PRRT1B: variants seen among roughly 807,000 people sequenced by gnomAD.
The protein encoded by PRRT1B is dispanin subfamily D member 2.
chr9:131,557,176 C>T (rs968975500), intron 3 of PRRT1B, among the ~76,000 whole-genome samples: 15 of 152,156 alleles, frequency 9.9e-5, no homozygotes, highest in Non-Finnish European at 2.1e-4. Flanking sequence ...CTCACCCATC[C>T]CTCTATCGAT....
At position 131,551,143 on chromosome 9, in the gene PRRT1B, C is replaced by A. The variant is rs1386402782; in HGVS notation, c.26-3414C>A. Among the ~76,000 whole-genome samples, 1 of 151,794 alleles carries A rather than the reference C, an allele frequency of 6.6e-6. No homozygotes were observed. Among genetic ancestry groups the A allele is most frequent in the South Asian group, 2.1e-4 (1 of 4,820 alleles). On this transcript the variant is annotated intron_variant, in intron 1 of 3. Coordinates refer to ENST00000636672, the Ensembl canonical transcript of PRRT1B. This position sits in a 1 kb window ranked among gnomAD's most constrained non-coding sequence, Gnocchi z 4.4. ...ATTTTTAGTAGAGACGGGGTTACAC[C>A]GTGTTAGCCAGGATGGTCTCAATCT...
chr9:131,554,714 C>G (rs1951035616), exon 2 of PRRT1B: 3 of 356,082 alleles, frequency 8.4e-6, no homozygotes, highest in Admixed American at 9.5e-5. Flanking sequence ...GGGCGCCCAG[C>G]GAGGACGGGG....
intron 3 of PRRT1B, among the ~76,000 whole-genome samples, chr9:131,557,685 A>C (rs1159789916): frequency 6.6e-6 from 1 of 152,222 alleles, no homozygotes; most frequent in Non-Finnish European, 1.5e-5. Flanking sequence ...GGGACTTGAG[A>C]GGTTGCTGCC....
At chr9:131,558,990 G>C (rs1054268202), downstream of PRRT1B, among the ~76,000 whole-genome samples, 1 of 152,184 alleles carries the variant, frequency 6.6e-6, no homozygotes, top group African/African-American at 2.4e-5. Flanking sequence ...GATCAGCTGG[G>C]TGCTCGTTTG....
At chr9:131,553,108 C>T (rs1447646428) in intron 1 of PRRT1B, among the ~76,000 whole-genome samples, 3 of 152,114 alleles carry the variant, frequency 2.0e-5, no homozygotes, top group Non-Finnish European at 4.4e-5. Flanking sequence ...GAAAGACATG[C>T]TTTTAAAAAA....
intron 3 of PRRT1B, 23 bp from the exon 4 acceptor site, chr9:131,558,030 C>T: frequency 2.5e-6 from 1 of 398,854 alleles, no homozygotes; most frequent in Non-Finnish European, 4.4e-6. Flanking sequence ...CCCACCGCCC[C>T]CTCCTGCCCT....
In PRRT1B at chr9:131,554,550, T is replaced by C; in HGVS notation, c.26-7T>C. 2.5e-6 allele frequency: 1 copy of C among 394,808 alleles called. No individual in the cohort carries two copies. The highest frequency in any genetic ancestry group is 3.6e-5 in the East Asian group (1 of 27,850). 24.5% of individuals were successfully genotyped at this position (394,808 alleles called of 1,614,324 possible). ...TCTTGCTCACGACCGCTGCCATTTC[T>C]TTCTAGGGTCCGACACGAAAGGGGG... On this transcript the variant is annotated splice_polypyrimidine_tract_variant and splice_region_variant and intron_variant, in intron 1 of 3. Coordinates refer to ENST00000636672, the Ensembl canonical transcript of PRRT1B.
At chr9:131,554,810 C>T in exon 2 of PRRT1B, 1 of 356,318 alleles carries the variant, frequency 2.8e-6, no homozygotes, top group Non-Finnish European at 5.0e-6. Flanking sequence ...CGGCGGCCGG[C>T]GGCGCCCCCC....
rs1315842425 is a variant in PRRT1B, at chr9:131,554,852, C to CGCGCG, written c.325_326insGGCGC (p.Pro109ArgfsTer84). ...GCTTCGTTGGGGAGCCCCCGCCCTA[C>CGCGCG]GCGCCGCCGGACCCCAAGGCCGCGC... On this transcript the variant is annotated frameshift_variant, in exon 2 of 4. Coordinates refer to ENST00000636672, the Ensembl canonical transcript of PRRT1B. LOFTEE classifies it high-confidence loss of function. 1.6e-5 allele frequency: 6 copies of CGCGCG among 371,020 alleles called. No individual in the cohort carries two copies. The highest frequency in any genetic ancestry group is 1.3e-4 in the African/African-American group (6 of 47,326). The allele number at this position is 371,020 out of a possible 1,614,324, so 23.0% of individuals were successfully genotyped here. A position where few individuals can be genotyped will look rare whatever the true frequency, so the allele number is the denominator to read the frequency against.
At chr9:131,556,470 C>A (rs548872290) in intron 3 of PRRT1B, among the ~76,000 whole-genome samples, 3 of 152,180 alleles carry the variant, frequency 2.0e-5, no homozygotes, top group African/African-American at 7.2e-5. Context: ...ACTGATAAGA[C>A]CCAATGTGCT....
chr9:131,553,475 C>T (rs1023487484), intron 1 of PRRT1B, among the ~76,000 whole-genome samples: 6 of 152,180 alleles, frequency 3.9e-5, no homozygotes, highest in African/African-American at 1.4e-4. Context: ...GTATGGGGTG[C>T]AGGGGCCATG....
chr9:131,546,411 C>CG (rs1459923711), intron 1 of PRRT1B, among the ~76,000 whole-genome samples: 1 of 152,014 alleles, frequency 6.6e-6, no homozygotes, highest in Non-Finnish European at 1.5e-5. Context: ...CTGGAAGGGG[C>CG]GGGGGGCAAG....
chr9:131,546,882 G>A (rs2132005414), intron 1 of PRRT1B, among the ~76,000 whole-genome samples: 1 of 152,206 alleles, frequency 6.6e-6, no homozygotes, highest in East Asian at 1.9e-4. Context: ...GATAGCTGGG[G>A]CAGGGACACC....
intron 1 of PRRT1B, among the ~76,000 whole-genome samples, chr9:131,554,006 A>G (rs1427498078): frequency 6.6e-6 from 1 of 152,080 alleles, no homozygotes; most frequent in Non-Finnish European, 1.5e-5. Flanking sequence ...GGCCCTGTAT[A>G]TTCTGGTGTC....
intron 3 of PRRT1B, 129 bp from the exon 4 acceptor site, chr9:131,557,924 A>T: frequency 2.5e-6 from 1 of 397,338 alleles, no homozygotes; most frequent in Non-Finnish European, 4.4e-6. Context: ...TGGGCCTGGC[A>T]GGTCCCTGAC....
intron 1 of PRRT1B, among the ~76,000 whole-genome samples, chr9:131,547,212 A>G (rs979082268): frequency 4.0e-5 from 6 of 151,698 alleles, no homozygotes; most frequent in African/African-American, 1.5e-4. Context: ...ACAGGCGCCC[A>G]ATGTCAGGCC....
chr9:131,556,180 C>A, exon 3 of PRRT1B: 1 of 401,134 alleles, frequency 2.5e-6, no homozygotes, highest in African/African-American at 2.0e-5. Context: ...GCTGTCTGCT[C>A]ACCGGTCTCA....
chr9:131,547,572 T>C (rs1313888444), intron 1 of PRRT1B, among the ~76,000 whole-genome samples: 1 of 152,220 alleles, frequency 6.6e-6, no homozygotes, highest in Non-Finnish European at 1.5e-5. Context: ...AAAAGCTTTA[T>C]TGCTCACACA....
At chr9:131,558,224 G>A (rs76166994) in exon 4 of PRRT1B, 8,899 of 400,944 alleles carry the variant, frequency 0.022, 501 homozygotes, top group African/African-American at 0.13. Flanking sequence ...CTGCGGAGAT[G>A]CCGGATGCCG....
Sources: allele counts gnomAD v4.1 joint callset (sites outside exome capture counted in the v4.1 genomes callset), GRCh38; gene constraint gnomAD v4.1.1; non-coding constraint Gnocchi (gnomAD v3.1); transcripts MANE v1.5; gene names NCBI Gene and HGNC (gene_info 2026-07-23, HGNC 2026-07-21).